LRRC4C: variants seen among roughly 807,000 people sequenced by gnomAD.
LRRC4C encodes the protein leucine-rich repeat-containing protein 4C.
LRRC4C carries 5 observed loss-of-function variants against 33.6 expected under a neutral mutation model. The ratio of observed to expected loss-of-function variants is 0.15; its 90% confidence interval spans 0.08 to 0.31. The LOEUF is 0.31. Ranked by LOEUF, LRRC4C falls within the 10% of genes least tolerant of loss-of-function variation. LRRC4C has a pLI of 1.00. For missense variants in LRRC4C, 560 were observed against 796.7 expected (o/e 0.70, Z 3.58); for synonymous variants, 329 against 302.0 (o/e 1.09, Z -0.93).
At chr11:40,827,513 A>C (rs1952215599) in intron 2 of LRRC4C, among the ~76,000 whole-genome samples, 1 of 151,952 alleles carries the variant, frequency 6.6e-6, no homozygotes. Context: ...AGATAGACTT[A>C]CACTGACTCT....
chr11:40,842,185 A>G (rs138279896), intron 2 of LRRC4C, among the ~76,000 whole-genome samples: 34 of 152,274 alleles, frequency 2.2e-4, no homozygotes, highest in Middle Eastern at 3.4e-3. Context: ...GAAAAATCCA[A>G]TGTAGCACTC....
chr11:41,226,193 C>T (rs765058978), intron 1 of LRRC4C, among the ~76,000 whole-genome samples: 2 of 152,080 alleles, frequency 1.3e-5, no homozygotes, highest in Non-Finnish European at 1.5e-5. Context: ...ATATGTCACT[C>T]CCCTCTATGG....
intron 1 of LRRC4C, among the ~76,000 whole-genome samples, chr11:40,979,896 T>C (rs1335690160): frequency 6.6e-6 from 1 of 152,204 alleles, no homozygotes; most frequent in African/African-American, 2.4e-5. Flanking sequence ...ATATTTTATA[T>C]TTATCAGCTT....
intron 2 of LRRC4C, among the ~76,000 whole-genome samples, chr11:40,780,177 G>A (rs917845919): frequency 1.3e-5 from 2 of 152,088 alleles, no homozygotes; most frequent in East Asian, 3.9e-4. Flanking sequence ...TCTTTGGTAA[G>A]AGCTCTGGCA....
At chr11:41,338,708 A>G (rs573176534) in intron 1 of LRRC4C, among the ~76,000 whole-genome samples, 4 of 152,288 alleles carry the variant, frequency 2.6e-5, no homozygotes, top group African/African-American at 9.6e-5. Context: ...GTAAAATAAA[A>G]ATAAAAATTA....
chr11:41,293,074 A>G (rs1345182216), intron 1 of LRRC4C, among the ~76,000 whole-genome samples: 2 of 152,172 alleles, frequency 1.3e-5, no homozygotes, highest in Non-Finnish European at 2.9e-5. Context: ...AGCATATACG[A>G]TGTCATAGAG....
chr11:41,342,673 C>T (rs1951679419), intron 1 of LRRC4C, among the ~76,000 whole-genome samples: 2 of 152,124 alleles, frequency 1.3e-5, no homozygotes, highest in African/African-American at 4.8e-5. Context: ...CGAGATTGTG[C>T]CACTGAACTC....
intron 3 of LRRC4C, among the ~76,000 whole-genome samples, chr11:40,498,770 T>C (rs144795368): frequency 1.3e-3 from 197 of 152,314 alleles, no homozygotes; most frequent in African/African-American, 4.6e-3. Flanking sequence ...GTTTATAAGA[T>C]GGTGTCACTT....
chr11:40,402,528 A>T (rs1039647067), intron 3 of LRRC4C, among the ~76,000 whole-genome samples: 6 of 152,102 alleles, frequency 3.9e-5, no homozygotes, highest in African/African-American at 1.4e-4. Context: ...TTCCCAACTG[A>T]TACATATAGT....
intron 1 of LRRC4C, among the ~76,000 whole-genome samples, chr11:41,051,977 A>C (rs1401431449): frequency 1.3e-5 from 2 of 152,170 alleles, no homozygotes; most frequent in Non-Finnish European, 2.9e-5. Context: ...TCTTGGGAAC[A>C]GAGCAAATTG....
At chr11:41,132,852 G>A (rs1943079559) in intron 1 of LRRC4C, among the ~76,000 whole-genome samples, 1 of 152,074 alleles carries the variant, frequency 6.6e-6, no homozygotes. Flanking sequence ...GAACCATGGT[G>A]CAAATCACTG....
intron 1 of LRRC4C, among the ~76,000 whole-genome samples, chr11:40,960,759 A>C (rs1415526078): frequency 6.6e-6 from 1 of 151,694 alleles, no homozygotes; most frequent in Non-Finnish European, 1.5e-5. Flanking sequence ...TGTTTATTCC[A>C]AAGAAGCATA....
chr11:41,395,193 G>C (rs980259969), intron 1 of LRRC4C, among the ~76,000 whole-genome samples: 2 of 151,972 alleles, frequency 1.3e-5, no homozygotes, highest in Non-Finnish European at 2.9e-5. Context: ...GGAAAGAGCA[G>C]AGAAAAAATG....
chr11:40,476,225 T>C (rs1017386844), intron 3 of LRRC4C, among the ~76,000 whole-genome samples: 2 of 152,140 alleles, frequency 1.3e-5, no homozygotes, highest in Admixed American at 1.3e-4. Flanking sequence ...TGCATCCATA[T>C]ACACTCATGT....
intron 3 of LRRC4C, among the ~76,000 whole-genome samples, chr11:40,449,529 C>T (rs891151876): frequency 2.0e-5 from 3 of 152,036 alleles, no homozygotes; most frequent in African/African-American, 7.2e-5. Context: ...TATTTTAAAG[C>T]TAGGGAAAAC....
intron 4 of LRRC4C, among the ~76,000 whole-genome samples, chr11:40,259,123 C>T (rs1437687007): frequency 6.6e-6 from 1 of 152,106 alleles, no homozygotes; most frequent in Non-Finnish European, 1.5e-5. Context: ...AGTGTTGGGG[C>T]CAGAATTCAG....
intron 2 of LRRC4C, among the ~76,000 whole-genome samples, chr11:40,737,889 C>A (rs548731307): frequency 6.6e-6 from 1 of 152,160 alleles, no homozygotes; most frequent in Admixed American, 6.5e-5. Flanking sequence ...TCATATGGAA[C>A]CAAAAAAGAG....
chr11:40,443,801 T>C (rs909452185), intron 3 of LRRC4C, among the ~76,000 whole-genome samples: 1 of 152,244 alleles, frequency 6.6e-6, no homozygotes, highest in Admixed American at 6.5e-5. Context: ...TATAATGTTT[T>C]ACTAATCATC....
intron 2 of LRRC4C, among the ~76,000 whole-genome samples, chr11:40,828,152 T>TAC (rs57515808): frequency 0.67 from 98,298 of 146,760 alleles, 33,467 homozygotes; most frequent in South Asian, 0.74. Context: ...TATACAAACA[T>TAC]ACACACACAC....
Sources: gnomAD v4.1 joint callset for allele counts (sites outside exome capture counted in the v4.1 genomes callset) on GRCh38, gnomAD v4.1.1 for gene constraint, MANE v1.5 for transcripts, NCBI Gene and HGNC (gene_info 2026-07-23, HGNC 2026-07-21) for gene names.